Variants in ZNF804B observed in about 807,000 individuals in gnomAD.
ZNF804B encodes the protein zinc finger 804B.
In ZNF804B, 80 loss-of-function variants were observed where a neutral mutation model predicts 101.4. The observed-to-expected ratio is 0.79, with a 90% CI of 0.66 to 0.95. ZNF804B has a LOEUF of 0.95. ZNF804B is among the 40% of genes least tolerant of loss of function. The pLI is 0.00. For synonymous variants in ZNF804B, 622 were observed against 558.8 expected (o/e 1.11, Z -1.59); for missense variants, 1,673 against 1,561.9 (o/e 1.07, Z -1.20).
At chr7:89,269,267 T>C (rs1274606606) in intron 2 of ZNF804B, among the ~76,000 whole-genome samples, 1 of 152,080 alleles carries the variant, frequency 6.6e-6, no homozygotes, top group Non-Finnish European at 1.5e-5. Context: ...CCTGTGTCCA[T>C]GTGTTCTCAT....
chr7:89,333,528 G>A lies in ZNF804B; in HGVS notation c.546G>A (p.Arg182=). Residue 182 remains arginine (R), a synonymous_variant, in exon 4 of 4, where the codon CGG becomes CGA. Coordinates refer to ENST00000333190, the MANE Select transcript of ZNF804B (RefSeq NM_181646.5). ...NLPRIISDKQ[R]STMPNRHQLQ... Reference sequence around the variant, plus strand: ...CCAGAATCATATCCGATAAACAGCGGTCCACCATGCCAAATCGACACCAAT... The same window carrying A: ...CCAGAATCATATCCGATAAACAGCGATCCACCATGCCAAATCGACACCAAT... 6.2e-7 allele frequency: 1 copy of A among 1,613,428 alleles called. No homozygotes were observed. The highest frequency in any genetic ancestry group is 8.5e-7 in the Non-Finnish European group (1 of 1,179,636).
At chr7:89,189,678 T>C (rs1199115951) in intron 1 of ZNF804B, among the ~76,000 whole-genome samples, 1 of 152,170 alleles carries the variant, frequency 6.6e-6, no homozygotes. Context: ...CAGTCTAGAG[T>C]GCATACAGCA....
intron 1 of ZNF804B, among the ~76,000 whole-genome samples, chr7:89,101,000 T>G (rs1452357200): frequency 6.6e-6 from 1 of 152,064 alleles, no homozygotes; most frequent in Non-Finnish European, 1.5e-5. Context: ...GAAAACCAAA[T>G]GTAATTCATA....
chr7:89,336,324 A>T lies in ZNF804B; in HGVS notation c.3342A>T (p.Ile1114=), dbSNP rs1467997334. 2.5e-6 allele frequency: 4 copies of T among 1,613,926 alleles called. No homozygotes were observed. Among genetic ancestry groups the T allele is most frequent in the Non-Finnish European group, 3.4e-6 (4 of 1,179,944 alleles). The change falls in exon 4 of 4, where the codon ATA becomes ATT. Residue 1114 remains isoleucine, a synonymous_variant. Transcript: ENST00000333190. The stretch of plus-strand genomic sequence containing the variant: ...ATATAAATCATGTAGAGGGAAATAT[A>T]AACTCTTACTATGACAGAACTATGC... The part of the protein sequence containing the change: ...SMHINHVEGN[I]NSYYDRTMQK...
At chr7:88,992,712 A>C (rs1279521437) in intron 1 of ZNF804B, among the ~76,000 whole-genome samples, 1 of 152,122 alleles carries the variant, frequency 6.6e-6, no homozygotes, top group East Asian at 1.9e-4. Flanking sequence ...TACATAAAGT[A>C]ATATAATCAA....
chr7:88,864,715 G>A (rs535972204), intron 1 of ZNF804B, among the ~76,000 whole-genome samples: 63 of 152,110 alleles, frequency 4.1e-4, no homozygotes, highest in Non-Finnish European at 7.8e-4. Flanking sequence ...ATCTGGGACC[G>A]AAAGCAATGG....
intron 2 of ZNF804B, among the ~76,000 whole-genome samples, chr7:89,260,492 T>G (rs1180431894): frequency 6.6e-6 from 1 of 152,184 alleles, no homozygotes; most frequent in African/African-American, 2.4e-5. Context: ...GTCTTGACAT[T>G]TTGTAAAGCC....
intron 1 of ZNF804B, among the ~76,000 whole-genome samples, chr7:88,989,554 T>C (rs1584057129): frequency 6.6e-6 from 1 of 152,100 alleles, no homozygotes; most frequent in East Asian, 1.9e-4. Flanking sequence ...TGCTCAGGCT[T>C]AGAGTTTCTA....
chr7:89,291,461 T>A (rs1351856968), intron 2 of ZNF804B, among the ~76,000 whole-genome samples: 2 of 152,146 alleles, frequency 1.3e-5, no homozygotes, highest in Non-Finnish European at 2.9e-5. Flanking sequence ...AAGCAGAAAT[T>A]CTTTAGTTGA....
intron 1 of ZNF804B, among the ~76,000 whole-genome samples, chr7:89,153,944 G>C (rs926885270): frequency 2.0e-5 from 3 of 152,000 alleles, no homozygotes; most frequent in African/African-American, 7.2e-5. Context: ...CATTCACTCA[G>C]ATGCTTCTTT....
chr7:88,858,629 C>G (rs532665960), intron 1 of ZNF804B, among the ~76,000 whole-genome samples: 1 of 151,932 alleles, frequency 6.6e-6, no homozygotes, highest in Non-Finnish European at 1.5e-5. Flanking sequence ...TACTGGGGTA[C>G]TTTGAGGCCA....
rs62462036 is a variant in ZNF804B at position 88,786,943 on chromosome 7, T to C, written c.108+26859T>C. On this transcript the variant is annotated intron_variant, in intron 1 of 3. Transcript: ENST00000333190. ...TGTTTACAAGTTGCTGGCAGGAAGA[T>C]GAGTGTGCACACAAACATGGCAGCA... 3.6e-3 allele frequency among the ~76,000 whole-genome samples: 554 copies of C among 152,236 alleles called. 1 individual carries two copies. Among genetic ancestry groups the C allele is most frequent in the Non-Finnish European group, 5.9e-3 (402 of 68,000 alleles).
intron 1 of ZNF804B, among the ~76,000 whole-genome samples, chr7:89,004,055 C>CAAAAAAAAA (rs5885649): frequency 3.6e-5 from 4 of 112,164 alleles, no homozygotes; most frequent in South Asian, 2.9e-4. Flanking sequence ...CCTGAATGAG[C>CAAAAAAAAA]AAAAAAAAAA....
rs115500973 is a variant in ZNF804B, at chr7:88,870,059, C to A, written c.108+109975C>A. Among the ~76,000 whole-genome samples the A allele has an allele frequency of 9.6e-3, 1,467 of 152,278 alleles. 18 individuals carry two copies. Among genetic ancestry groups the A allele is most frequent in the Middle Eastern group, 0.024 (7 of 294 alleles). ...CTGTAATTCTACCACAGACCAGGCC[C>A]TCCAGGGATGCTGCCAACTGTCACC... is the stretch of plus-strand genomic sequence containing the variant. On this transcript the variant is annotated intron_variant, in intron 1 of 3. Transcript: ENST00000333190.
intron 1 of ZNF804B, among the ~76,000 whole-genome samples, chr7:88,956,687 A>G (rs900633512): frequency 6.6e-6 from 1 of 151,462 alleles, no homozygotes; most frequent in African/African-American, 2.4e-5. Flanking sequence ...ATGATGGACC[A>G]AGGAACACAG....
At chr7:88,932,653 T>C (rs917881897) in intron 1 of ZNF804B, among the ~76,000 whole-genome samples, 1 of 151,690 alleles carries the variant, frequency 6.6e-6, no homozygotes, top group African/African-American at 2.4e-5. Flanking sequence ...CTAGAGGAGA[T>C]GGGTAAATTC....
chr7:89,047,810 T>TAGA (rs1328470082), intron 1 of ZNF804B, among the ~76,000 whole-genome samples: 2 of 151,876 alleles, frequency 1.3e-5, no homozygotes, highest in Admixed American at 6.6e-5. Context: ...CTAGACTGTC[T>TAGA]AGAACCACTC....
At chr7:89,288,339 T>G (rs1489761005) in intron 2 of ZNF804B, among the ~76,000 whole-genome samples, 1 of 152,078 alleles carries the variant, frequency 6.6e-6, no homozygotes, top group Non-Finnish European at 1.5e-5. Flanking sequence ...GGGACAGAAT[T>G]AATATCTGAA....
intron 1 of ZNF804B, among the ~76,000 whole-genome samples, chr7:89,087,480 TACA>T (rs1232877799): frequency 2.6e-5 from 4 of 151,954 alleles, no homozygotes; most frequent in Non-Finnish European, 5.9e-5. Flanking sequence ...AACACATAAA[TACA>T]ACATCAAAAT....
Sources: allele counts gnomAD v4.1 joint callset (sites outside exome capture counted in the v4.1 genomes callset), GRCh38; gene constraint gnomAD v4.1.1; transcripts MANE v1.5; gene names NCBI Gene and HGNC (gene_info 2026-07-23, HGNC 2026-07-21).